RBFOX3: variants seen among roughly 807,000 people sequenced by gnomAD.
RBFOX3 encodes RNA binding fox-1 homolog 3.
A neutral mutation model predicts 48.7 loss-of-function variants in RBFOX3; 17 were observed. The ratio of observed to expected loss-of-function variants is 0.35; its 90% CI spans 0.24 to 0.52. The LOEUF (loss-of-function observed/expected upper bound fraction) is 0.52, where lower values mean the gene tolerates loss of function less well. RBFOX3 is among the 20% of genes least tolerant of loss of function. The pLI, the probability that RBFOX3 is intolerant of heterozygous loss-of-function variation, is 0.94. For missense variants in RBFOX3, 382 were observed against 497.5 expected, an observed-to-expected ratio of 0.77 and a Z score of 2.21; for synonymous variants, 212 against 209.5, an observed-to-expected ratio of 1.01 and a Z score of -0.10.
chr17:79,322,909 C>A (rs529087670), intron 2 of RBFOX3, among the ~76,000 whole-genome samples: 1 of 152,232 alleles, frequency 6.6e-6, no homozygotes, highest in Non-Finnish European at 1.5e-5. Flanking sequence ...AATTGCAAAG[C>A]ACCCAGACAA....
the RBFOX3 span, among the ~76,000 whole-genome samples, chr17:79,652,149 T>A: frequency 6.6e-6 from 1 of 152,112 alleles, no homozygotes; most frequent in Non-Finnish European, 1.5e-5. Context: ...CCATTGTGTT[T>A]GGGGGTAATT....
At chr17:79,092,474 G>A in intron 14 of RBFOX3, 2 of 985,966 alleles carry the variant, frequency 2.0e-6, no homozygotes, top group South Asian at 9.4e-5. Flanking sequence ...CAGGGGGCCA[G>A]CCGTGCGTGT....
At chr17:79,227,691 G>A (rs771435011) in intron 4 of RBFOX3, among the ~76,000 whole-genome samples, 4 of 152,186 alleles carry the variant, frequency 2.6e-5, no homozygotes, top group Admixed American at 6.5e-5. Context: ...AAAGCAAAGT[G>A]CCCAGGAAGA....
chr17:79,607,149 C>T, intron 1 of RBFOX3, among the ~76,000 whole-genome samples: 1 of 152,216 alleles, frequency 6.6e-6, no homozygotes, highest in Non-Finnish European at 1.5e-5. Context: ...GTGCCAGGAG[C>T]AGGGGCCTGT....
chr17:79,333,025 T>G (rs1470538666), intron 2 of RBFOX3, among the ~76,000 whole-genome samples: 43 of 122,336 alleles, frequency 3.5e-4, no homozygotes, highest in South Asian at 5.8e-4. Flanking sequence ...AGAGATGGGG[T>G]GGGGGAGAGA....
At chr17:79,259,762 G>C (rs775524750) in intron 3 of RBFOX3, among the ~76,000 whole-genome samples, 1 of 152,106 alleles carries the variant, frequency 6.6e-6, no homozygotes, top group Admixed American at 6.5e-5. Context: ...GGGTGTCTAG[G>C]TGCCCCCGCA....
At position 79,300,199 on chromosome 17, in the gene RBFOX3, C is replaced by T. The variant is rs904931717; in HGVS notation, c.-74+7525G>A. 4.6e-5 allele frequency among the ~76,000 whole-genome samples: 7 copies of T among 152,128 alleles called. No homozygotes were observed. In the East Asian group the frequency reaches 7.7e-4, roughly 17 times the overall value. ...GATTACAGGCATGAGCCACTGTGCC[C>T]GACTCCTGCCAACACCTTGATCTTG... On this transcript the variant is annotated intron_variant, in intron 3 of 14. Transcript: ENST00000693108.
intron 4 of RBFOX3, among the ~76,000 whole-genome samples, chr17:79,207,301 C>T (rs1462072992): frequency 6.6e-6 from 1 of 152,242 alleles, no homozygotes; most frequent in Non-Finnish European, 1.5e-5. Flanking sequence ...GTCACCAGGA[C>T]AGGTACAGAG....
rs757483597 is a variant in RBFOX3 at position 79,477,285 on chromosome 17, G to A, written c.-175+5169C>T. 5.9e-4 allele frequency among the ~76,000 whole-genome samples: 87 copies of A among 146,894 alleles called. No homozygotes were observed. The highest frequency in any genetic ancestry group is 3.0e-3 in the East Asian group (15 of 4,996). On this transcript the variant is annotated intron_variant, in intron 2 of 14. Transcript: ENST00000693108. The surrounding 1 kb of genome is among the most constrained non-coding windows in gnomAD (Gnocchi z 4.8). ...AAAAAAAAAAAAAAAAAGAGGGCGC[G>A]GTGGCTCACACCTGTAATCCCAGCA...
At chr17:79,451,538 G>T (rs972905610) in intron 2 of RBFOX3, among the ~76,000 whole-genome samples, 2 of 152,218 alleles carry the variant, frequency 1.3e-5, no homozygotes, top group African/African-American at 2.4e-5. Context: ...GGTGAGGCCT[G>T]CCCTTGAATT....
At chr17:79,564,024 T>C (rs2092358298) in intron 1 of RBFOX3, among the ~76,000 whole-genome samples, 1 of 152,216 alleles carries the variant, frequency 6.6e-6, no homozygotes, top group Non-Finnish European at 1.5e-5. Context: ...ATGGTTTTGC[T>C]TCCCCACTGT....
chr17:79,360,676 C>T (rs1220039531), intron 2 of RBFOX3, among the ~76,000 whole-genome samples: 1 of 152,100 alleles, frequency 6.6e-6, no homozygotes, highest in East Asian at 1.9e-4. Flanking sequence ...CAGGAGATTT[C>T]CCTCCGCCAT....
At chr17:79,387,099 G>A (rs184640726) in intron 2 of RBFOX3, among the ~76,000 whole-genome samples, 1 of 152,316 alleles carries the variant, frequency 6.6e-6, no homozygotes, top group East Asian at 1.9e-4. Context: ...GGTTTGAGAG[G>A]TCCCCAGGGC....
chr17:79,495,949 TG>T (rs1445819609), intron 1 of RBFOX3, among the ~76,000 whole-genome samples: 1 of 151,848 alleles, frequency 6.6e-6, no homozygotes, highest in East Asian at 1.9e-4. Flanking sequence ...GCGTGGCAGA[TG>T]GGAACGTGCA....
chr17:79,232,472 T>C (rs923857299), intron 4 of RBFOX3, among the ~76,000 whole-genome samples: 9 of 152,134 alleles, frequency 5.9e-5, no homozygotes, highest in Admixed American at 2.0e-4. Context: ...AACCCAGACA[T>C]AGACTCACAT....
chr17:79,163,556 C>T (rs1490852583), intron 4 of RBFOX3, among the ~76,000 whole-genome samples: 1 of 152,202 alleles, frequency 6.6e-6, no homozygotes, highest in African/African-American at 2.4e-5. Flanking sequence ...CAGGGAAGTC[C>T]CAGAGCTGGA....
At chr17:79,489,071 T>A (rs1178624053) in intron 1 of RBFOX3, among the ~76,000 whole-genome samples, 1 of 152,154 alleles carries the variant, frequency 6.6e-6, no homozygotes, top group East Asian at 1.9e-4. Context: ...GAAATATGCT[T>A]GCATTCTTAT....
chr17:79,603,021 TG>T (rs2093743226), intron 1 of RBFOX3, among the ~76,000 whole-genome samples: 1 of 146,786 alleles, frequency 6.8e-6, no homozygotes, highest in Non-Finnish European at 1.5e-5. Context: ...GGGGGAGTCT[TG>T]CTCTGTTGCC....
At chr17:79,550,853 T>C (rs1001443182) in intron 1 of RBFOX3, among the ~76,000 whole-genome samples, 3 of 152,260 alleles carry the variant, frequency 2.0e-5, no homozygotes, top group Non-Finnish European at 4.4e-5. Flanking sequence ...TTGAAATAAA[T>C]GGAAGCAAAT....
Sources: allele counts gnomAD v4.1 joint callset (sites outside exome capture counted in the v4.1 genomes callset), GRCh38; gene constraint gnomAD v4.1.1; non-coding constraint Gnocchi (gnomAD v3.1); transcripts MANE v1.5; gene names NCBI Gene and HGNC (gene_info 2026-07-23, HGNC 2026-07-21).